GNAL: variants seen among roughly 807,000 people sequenced by gnomAD.
The protein encoded by GNAL is guanine nucleotide-binding protein G(olf) subunit alpha.
GNAL carries 18 observed loss-of-function variants against 55.1 expected under a neutral mutation model. The ratio of observed to expected loss-of-function variants is 0.33; its 90% CI spans 0.23 to 0.48. GNAL has a LOEUF of 0.48. GNAL is among the 20% of genes least tolerant of loss of function. The pLI is 0.99. For missense variants in GNAL, 412 were observed against 614.1 expected (o/e 0.67, Z 3.48); for synonymous variants, 253 against 237.0 (o/e 1.07, Z -0.62).
intron 4 of GNAL, among the ~76,000 whole-genome samples, chr18:11,784,372 C>T (rs940499408): frequency 2.6e-5 from 4 of 152,226 alleles, no homozygotes; most frequent in Admixed American, 6.5e-5. Context: ...ACAGGTGTTG[C>T]GGCAGCCAAC....
chr18:11,805,043 G>T (rs1340873067), intron 4 of GNAL, among the ~76,000 whole-genome samples: 1 of 145,098 alleles, frequency 6.9e-6, no homozygotes, highest in African/African-American at 2.5e-5. Flanking sequence ...CTGTGTAGTG[G>T]TGAAGTACAG....
intron 4 of GNAL, among the ~76,000 whole-genome samples, chr18:11,769,320 A>G (rs969438739): frequency 2.6e-5 from 4 of 151,044 alleles, no homozygotes; most frequent in African/African-American, 7.3e-5. Context: ...AATAAGGACT[A>G]TTGTGCTCAG....
intron 5 of GNAL, among the ~76,000 whole-genome samples, chr18:11,840,067 C>A (rs1453778695): frequency 2.6e-5 from 4 of 152,198 alleles, no homozygotes; most frequent in Non-Finnish European, 5.9e-5. Context: ...TAACTAGGAT[C>A]CATGATATCA....
intron 4 of GNAL, among the ~76,000 whole-genome samples, chr18:11,799,628 G>A (rs1183996515): frequency 6.6e-6 from 1 of 152,030 alleles, no homozygotes; most frequent in Non-Finnish European, 1.5e-5. Flanking sequence ...AATACTCACT[G>A]GAGTATTTCA....
At chr18:11,702,855 C>T (rs1049294586) in intron 1 of GNAL, among the ~76,000 whole-genome samples, 2 of 151,444 alleles carry the variant, frequency 1.3e-5, no homozygotes, top group Admixed American at 6.6e-5. Flanking sequence ...CGATGGCTCA[C>T]TCCTGCAATC....
intron 1 of GNAL, among the ~76,000 whole-genome samples, chr18:11,693,734 G>A (rs1467964017): frequency 1.5e-5 from 2 of 129,990 alleles, no homozygotes; most frequent in Non-Finnish European, 3.2e-5. Context: ...ACTTGCTCCA[G>A]CAGTGTCTTT....
chr18:11,883,199 T>C lies in GNAL; in HGVS notation c.*2064T>C, dbSNP rs912912332. On this transcript the variant is annotated 3_prime_UTR_variant, in exon 12 of 12. Coordinates refer to ENST00000334049, the MANE Select transcript of GNAL (RefSeq NM_182978.4). ...TAGACAGTCAGTGCAACACACACAT[T>C]TTATCTCATCACCGTCTTACTGCCT... 1.0e-4 allele frequency: 15 copies of C among 148,552 alleles called. No individual in the cohort carries two copies. Among genetic ancestry groups the C allele is most frequent in the African/African-American group, 2.8e-4 (11 of 38,754 alleles). The allele number at this position is 148,552 out of a possible 1,614,324, so 9.2% of individuals were successfully genotyped here.
intron 1 of GNAL, among the ~76,000 whole-genome samples, chr18:11,732,272 G>T (rs1387110670): frequency 6.6e-6 from 1 of 152,186 alleles, no homozygotes; most frequent in Non-Finnish European, 1.5e-5. Flanking sequence ...CAATGTGGCT[G>T]CATCATTTTA....
chr18:11,734,349 G>C (rs1193719498), intron 1 of GNAL, among the ~76,000 whole-genome samples: 1 of 151,862 alleles, frequency 6.6e-6, no homozygotes, highest in African/African-American at 2.4e-5. Context: ...CATCATGTTG[G>C]CCAGGATGGT....
At chr18:11,741,930 A>G (rs1231212850) in intron 1 of GNAL, among the ~76,000 whole-genome samples, 1 of 152,234 alleles carries the variant, frequency 6.6e-6, no homozygotes, top group Non-Finnish European at 1.5e-5. Flanking sequence ...AGCATTAAGT[A>G]CATTCGCATC....
chr18:11,793,944 C>T (rs192388695), intron 4 of GNAL, among the ~76,000 whole-genome samples: 26 of 151,128 alleles, frequency 1.7e-4, no homozygotes, highest in African/African-American at 6.1e-4. Context: ...AAAGGACTTG[C>T]TTAGCATTTA....
chr18:11,869,623 A>AAAATAAT (rs2036348293), intron 9 of GNAL, among the ~76,000 whole-genome samples: 2 of 152,244 alleles, frequency 1.3e-5, no homozygotes, highest in South Asian at 4.1e-4. Flanking sequence ...ACAACAACAA[A>AAAATAAT]AAATAATACA....
chr18:11,729,117 C>A (rs1445341691), intron 1 of GNAL, among the ~76,000 whole-genome samples: 1 of 152,058 alleles, frequency 6.6e-6, no homozygotes, highest in Non-Finnish European at 1.5e-5. Context: ...ATAGTTAACC[C>A]AGATTTCTAA....
At position 11,761,779 on chromosome 18, in the gene GNAL, AC is replaced by A. The variant is rs2033252305; in HGVS notation, c.624+7837del. ...GTCTAGTGGTAGAAAGGTGAAATGC[AC>A]CCTGACTGCACCCCTCACAGGGAGA... On this transcript the variant is annotated intron_variant, in intron 4 of 11. Coordinates refer to ENST00000334049, the MANE Select transcript of GNAL (RefSeq NM_182978.4). Among the ~76,000 whole-genome samples the A allele has an allele frequency of 2.6e-5, 4 of 152,246 alleles. No homozygotes were observed. The South Asian group carries it at 8.3e-4, about 31-fold the overall frequency.
intron 5 of GNAL, among the ~76,000 whole-genome samples, chr18:11,844,772 G>A (rs2035694964): frequency 1.3e-5 from 2 of 152,212 alleles, no homozygotes; most frequent in South Asian, 4.1e-4. Context: ...GCTCCCCGAG[G>A]AGGACGAGAG....
chr18:11,713,701 A>C (rs1208794098), intron 1 of GNAL, among the ~76,000 whole-genome samples: 2 of 152,220 alleles, frequency 1.3e-5, no homozygotes, highest in African/African-American at 4.8e-5. Context: ...AACCTCTGCT[A>C]TACAAGGAAA....
At chr18:11,734,027 G>A (rs897399931) in intron 1 of GNAL, among the ~76,000 whole-genome samples, 3 of 152,090 alleles carry the variant, frequency 2.0e-5, no homozygotes, top group Non-Finnish European at 4.4e-5. Flanking sequence ...GAAGATGTGG[G>A]GTGGCCTCAT....
At chr18:11,854,848 A>G (rs947648470) in intron 5 of GNAL, among the ~76,000 whole-genome samples, 20 of 152,010 alleles carry the variant, frequency 1.3e-4, no homozygotes, top group African/African-American at 4.6e-4. Flanking sequence ...TTCCAAATTC[A>G]CCCTCAGTCT....
chr18:11,797,312 A>G (rs553235567), intron 4 of GNAL, among the ~76,000 whole-genome samples: 2 of 152,318 alleles, frequency 1.3e-5, no homozygotes, highest in African/African-American at 2.4e-5. Flanking sequence ...TTAATTTTAA[A>G]TCTTTTTTAT....
Sources: gnomAD v4.1 joint callset for allele counts (sites outside exome capture counted in the v4.1 genomes callset) on GRCh38, gnomAD v4.1.1 for gene constraint, MANE v1.5 for transcripts, NCBI Gene and HGNC (gene_info 2026-07-23, HGNC 2026-07-21) for gene names.